The following BZW2 variants were observed in gnomAD, a reference collection of about 807,000 sequenced individuals.
The protein encoded by BZW2 is basic leucine zipper and W2 domains 2, also known as eIF5-mimic protein 1.
A neutral mutation model predicts 53.2 loss-of-function variants in BZW2; 23 were observed. That is an observed-to-expected ratio of 0.43 (90% confidence interval 0.31 to 0.61). BZW2 has a LOEUF of 0.61. BZW2 is among the 20% of genes least tolerant of loss of function. The pLI is 0.09. For synonymous variants in BZW2, 227 were observed against 186.4 expected (o/e 1.22, Z -1.77); for missense variants, 409 against 503.1 (o/e 0.81, Z 1.79).
At position 16,665,480 on chromosome 7, in the gene BZW2, C is replaced by T. The variant is rs146833365; in HGVS notation, c.37C>T (p.Arg13Trp). Reference protein sequence around the residue: ...KHQKPVLTGQRFKTRKRDEKE... With the variant: ...KHQKPVLTGQWFKTRKRDEKE... The stretch of plus-strand genomic sequence containing the variant: ...TCAGAAGCCAGTGCTAACAGGCCAG[C>T]GGTTCAAAACTCGGAAAAGGGGTAG... The change falls in exon 2 of 12, where the codon CGG becomes TGG. Residue 13 changes from arginine to tryptophan, a missense_variant. Physicochemically the swap from Arg to Trp is moderately radical, Grantham distance 101 (BLOSUM62 -3). This residue lies in a region of BZW2 where 316 missense variants were observed against 366.8 expected (regional missense o/e 0.86). Coordinates refer to ENST00000258761, the MANE Select transcript of BZW2 (RefSeq NM_014038.3). 73 of 1,613,652 alleles carry T rather than the reference C, an allele frequency of 4.5e-5. No homozygotes were observed. The highest frequency in any genetic ancestry group is 5.9e-5 in the Non-Finnish European group (70 of 1,179,982).
chr7:16,662,803 A>G (rs1782306342), intron 1 of BZW2, among the ~76,000 whole-genome samples: 1 of 152,136 alleles, frequency 6.6e-6, no homozygotes, highest in South Asian at 2.1e-4. Context: ...AGAGAAAGAA[A>G]AAGAAAGGAC....
At chr7:16,685,573 G>T (rs989977686) in intron 5 of BZW2, among the ~76,000 whole-genome samples, 2 of 152,104 alleles carry the variant, frequency 1.3e-5, no homozygotes, top group Admixed American at 1.3e-4. Context: ...TGTCCATCAT[G>T]TATACTTAAC....
intron 6 of BZW2, among the ~76,000 whole-genome samples, chr7:16,687,860 A>C (rs76579919): frequency 0.018 from 2,720 of 152,308 alleles, 28 homozygotes; most frequent in South Asian, 0.036. Context: ...TTAGGCTCCT[A>C]GTTTCAAGCG....
At chr7:16,699,670 C>T (rs559010099) in intron 10 of BZW2, among the ~76,000 whole-genome samples, 2 of 152,138 alleles carry the variant, frequency 1.3e-5, no homozygotes, top group African/African-American at 2.4e-5. Flanking sequence ...AGCACCCTAT[C>T]GTATTATTGT....
At chr7:16,680,932 C>T (rs937721972) in intron 3 of BZW2, among the ~76,000 whole-genome samples, 3 of 152,004 alleles carry the variant, frequency 2.0e-5, no homozygotes, top group African/African-American at 4.8e-5. Context: ...GGTGAAACCC[C>T]GTCTCTACTA....
chr7:16,670,625 A>C (rs1231814350), intron 2 of BZW2, among the ~76,000 whole-genome samples: 1 of 152,198 alleles, frequency 6.6e-6, no homozygotes, highest in Non-Finnish European at 1.5e-5. Context: ...TGTTGGCTAG[A>C]CCCTGAGTGG....
In BZW2 at chr7:16,658,934, T is replaced by G. The variant is rs529958773; in HGVS notation, c.-7-6503T>G. On this transcript the variant is annotated intron_variant, in intron 1 of 11. Transcript: ENST00000258761. ...TGCTGTCATTTCCCTATTCCTTTCA[T>G]TCTTATCCTGAATAATATAAAAGAA... is the stretch of plus-strand genomic sequence containing the variant. Among the ~76,000 whole-genome samples the G allele has an allele frequency of 8.6e-5, 13 of 150,582 alleles. No homozygotes were observed. The South Asian group carries it at 2.3e-3, about 27-fold the overall frequency.
At chr7:16,663,613 CT>C (rs1166298398) in intron 1 of BZW2, among the ~76,000 whole-genome samples, 1 of 151,682 alleles carries the variant, frequency 6.6e-6, no homozygotes, top group East Asian at 1.9e-4. Context: ...TTAAAAAAAA[CT>C]TTTGGGAGTA....
intron 1 of BZW2, among the ~76,000 whole-genome samples, chr7:16,663,512 T>C (rs1485897969): frequency 6.6e-6 from 1 of 152,128 alleles, no homozygotes; most frequent in Non-Finnish European, 1.5e-5. Context: ...AATAAACAGA[T>C]TTTTTATTAT....
intron 1 of BZW2, among the ~76,000 whole-genome samples, chr7:16,652,548 C>T (rs1782011335): frequency 6.6e-6 from 1 of 152,168 alleles, no homozygotes; most frequent in Admixed American, 6.5e-5. Context: ...CGGAGTTTCG[C>T]TGTTGTTGCC....
At chr7:16,657,486 C>T (rs531188248) in intron 1 of BZW2, among the ~76,000 whole-genome samples, 13 of 152,244 alleles carry the variant, frequency 8.5e-5, no homozygotes, top group Middle Eastern at 3.4e-3. Context: ...AAAAGTTTGT[C>T]TGCTGGTGTT....
At chr7:16,655,782 A>G (rs1782106434) in intron 1 of BZW2, among the ~76,000 whole-genome samples, 1 of 152,116 alleles carries the variant, frequency 6.6e-6, no homozygotes, top group African/African-American at 2.4e-5. Context: ...TGCCTCCCAA[A>G]GTGCTGGGAT....
At chr7:16,699,904 G>A (rs922863496) in intron 10 of BZW2, among the ~76,000 whole-genome samples, 23 of 152,128 alleles carry the variant, frequency 1.5e-4, no homozygotes, top group Admixed American at 4.6e-4. Flanking sequence ...AGTATGACCT[G>A]AAATTAGAAA....
intron 7 of BZW2, among the ~76,000 whole-genome samples, chr7:16,691,267 A>T (rs1583743904): frequency 6.6e-6 from 1 of 152,186 alleles, no homozygotes; most frequent in Non-Finnish European, 1.5e-5. Flanking sequence ...AGGATAGAAA[A>T]GTTGCCTGCC....
At chr7:16,697,899 C>T (rs1783549712) in intron 9 of BZW2, 149 bp from the exon 10 acceptor site, 1 of 896,804 alleles carries the variant, frequency 1.1e-6, no homozygotes, top group South Asian at 1.8e-5. Context: ...TTCCCCTCAC[C>T]CCATTGGGCA....
chr7:16,650,676 T>G (rs1781963073), intron 1 of BZW2, among the ~76,000 whole-genome samples: 1 of 152,244 alleles, frequency 6.6e-6, no homozygotes. Flanking sequence ...CAAGAATATT[T>G]AATTAATATG....
intron 1 of BZW2, among the ~76,000 whole-genome samples, chr7:16,664,946 C>T (rs1782376883): frequency 6.6e-6 from 1 of 152,152 alleles, no homozygotes; most frequent in South Asian, 2.1e-4. Context: ...TTCCTATGTC[C>T]TTTGCCAACA....
chr7:16,652,744 C>G (rs976035443), intron 1 of BZW2, among the ~76,000 whole-genome samples: 7 of 152,242 alleles, frequency 4.6e-5, no homozygotes, highest in Admixed American at 4.6e-4. Flanking sequence ...AGGCTGGTTT[C>G]GAACACCTGA....
At chr7:16,690,805 A>T (rs943938157) in intron 7 of BZW2, among the ~76,000 whole-genome samples, 1 of 152,170 alleles carries the variant, frequency 6.6e-6, no homozygotes, top group Non-Finnish European at 1.5e-5. Context: ...TGTAATTTCT[A>T]TCTGCTCCCT....
Sources: allele counts gnomAD v4.1 joint callset (sites outside exome capture counted in the v4.1 genomes callset), GRCh38; gene constraint gnomAD v4.1.1; regional missense constraint gnomAD v4.1.1; transcripts MANE v1.5; gene names NCBI Gene and HGNC (gene_info 2026-07-23, HGNC 2026-07-21).